ESCO1: variants seen among roughly 807,000 people sequenced by gnomAD.
ESCO1 encodes establishment of sister chromatid cohesion N-acetyltransferase 1, also known as N-acetyltransferase ESCO1.
Under a neutral mutation model 83.5 loss-of-function variants are expected in ESCO1, and 33 were observed. That is an observed-to-expected ratio of 0.40 (90% CI 0.30 to 0.53). The LOEUF (loss-of-function observed/expected upper bound fraction) is 0.53, where lower values mean the gene tolerates loss of function less well. Ranked by LOEUF, ESCO1 falls within the 20% of genes least tolerant of loss-of-function variation. The pLI, the probability that ESCO1 is intolerant of heterozygous loss-of-function variation, is 0.63. For missense variants in ESCO1, 855 were observed against 968.0 expected, an observed-to-expected ratio of 0.88 and a Z score of 1.55; for synonymous variants, 332 against 324.3, an observed-to-expected ratio of 1.02 and a Z score of -0.25.
intron 8 of ESCO1, among the ~76,000 whole-genome samples, chr18:21,542,278 TG>T (rs1320874459): frequency 2.0e-4 from 30 of 152,240 alleles, no homozygotes; most frequent in African/African-American, 7.0e-4. Flanking sequence ...TTCAAACTCC[TG>T]GGGCTCAAGC....
Position 21,560,978 on chromosome 18 carries a change from T to G in ESCO1, c.1834A>C (p.Lys612Gln). ...TTACAAGAAACTGCTCCAAATCTTT[T>G]TTGTCCTGCATCCTATTTACAAAAA... is the stretch of plus-strand genomic sequence containing the variant. Reference protein sequence around the residue: ...EKQLIIDAGQKRFGAVSCNVC... With the variant: ...EKQLIIDAGQQRFGAVSCNVC... The change falls in exon 8 of 12, where the codon AAA (lysine) becomes CAA (glutamine). Residue 612 changes from lysine (K) to glutamine (Q), a missense_variant. Lys to Gln is a moderately conservative substitution (Grantham distance 53, BLOSUM62 1). Around this residue, in one of 2 missense-constraint regions of ESCO1, gnomAD observed 726 missense variants for 699.5 expected, o/e 1.04. Coordinates refer to ENST00000269214, the MANE Select transcript of ESCO1 (RefSeq NM_052911.3). The G allele has an allele frequency of 6.3e-7, 1 of 1,589,952 alleles. No individual in the cohort carries two copies. Among genetic ancestry groups the G allele is most frequent in the Non-Finnish European group, 8.5e-7 (1 of 1,171,828 alleles).
intron 5 of ESCO1, among the ~76,000 whole-genome samples, chr18:21,567,539 G>A (rs1038255594): frequency 6.6e-6 from 1 of 151,638 alleles, no homozygotes; most frequent in African/African-American, 2.4e-5. Flanking sequence ...TTGCAAAGTG[G>A]ACAATTTGCA....
At chr18:21,563,274 G>T (rs1053680627) in intron 7 of ESCO1, among the ~76,000 whole-genome samples, 3 of 152,096 alleles carry the variant, frequency 2.0e-5, no homozygotes, top group Non-Finnish European at 4.4e-5. Flanking sequence ...ATCACAATTT[G>T]TTATAAAACT....
intron 11 of ESCO1, among the ~76,000 whole-genome samples, chr18:21,531,689 C>T (rs2037768930): frequency 6.6e-6 from 1 of 151,924 alleles, no homozygotes; most frequent in Admixed American, 6.6e-5. Context: ...TGCAGTGGCT[C>T]ACGCCTGTAA....
In ESCO1 at chr18:21,595,245, C is replaced by A. The variant is rs181891156; in HGVS notation, c.-825+5378G>T. Among the ~76,000 whole-genome samples the A allele has an allele frequency of 5.3e-5, 8 of 151,022 alleles. No homozygotes were observed. The East Asian group carries it at 7.8e-4, about 15-fold the overall frequency. ...GCTTATGGAGAAATTATCTAAGTGG[C>A]GTATATCTTCTAAAACTGAACAGTA... On this transcript the variant is annotated intron_variant, in intron 1 of 11. Coordinates refer to ENST00000269214, the MANE Select transcript of ESCO1 (RefSeq NM_052911.3).
intron 8 of ESCO1, among the ~76,000 whole-genome samples, chr18:21,548,939 TAAAA>T (rs796154017): frequency 7.1e-6 from 1 of 140,360 alleles, no homozygotes; most frequent in East Asian, 2.0e-4. Context: ...CCCTGTCTCT[TAAAA>T]AAAAAAAAAA....
At chr18:21,547,176 A>G (rs1042047099) in intron 8 of ESCO1, among the ~76,000 whole-genome samples, 1 of 152,146 alleles carries the variant, frequency 6.6e-6, no homozygotes, top group Non-Finnish European at 1.5e-5. Flanking sequence ...CTACTGTAGC[A>G]TTTTCCACAC....
chr18:21,551,265 T>TC lies in ESCO1; in HGVS notation c.1953+9593dup, dbSNP rs914197818. Among the ~76,000 whole-genome samples the TC allele has an allele frequency of 2.6e-4, 40 of 151,848 alleles. 1 individual carries two copies. The highest frequency in any genetic ancestry group is 7.7e-4 in the African/African-American group (32 of 41,364). On this transcript the variant is annotated intron_variant, in intron 8 of 11. Transcript: ENST00000269214. ...GCGGACAGATCACGAGGTCAGGAGA[T>TC]CGATACCATCCTGGCTAACACAGAG... is the stretch of plus-strand genomic sequence containing the variant.
chr18:21,579,794 GCACACACACACACACACACACA>G (rs765904584), intron 2 of ESCO1, among the ~76,000 whole-genome samples: 1,304 of 37,162 alleles, frequency 0.035, 66 homozygotes, highest in African/African-American at 0.07. Context: ...ACGCGCGCGC[GCACACACACACACACACACACA>G]CACACACACA....
chr18:21,575,914 T>C, intron 2 of ESCO1, 137 bp from the exon 3 acceptor site: 2 of 392,100 alleles, frequency 5.1e-6, no homozygotes, highest in Non-Finnish European at 4.5e-6. Context: ...AAAGCTCATA[T>C]TACACGTACA....
At chr18:21,575,598 A>G (rs1270414552) in intron 3 of ESCO1, 74 bp downstream of exon 3, 3 of 398,192 alleles carry the variant, frequency 7.5e-6, no homozygotes, top group Non-Finnish European at 1.3e-5. Flanking sequence ...GTATATTCCT[A>G]TGAATAATCA....
intron 8 of ESCO1, among the ~76,000 whole-genome samples, chr18:21,540,289 T>A (rs1233215555): frequency 6.6e-6 from 1 of 152,170 alleles, no homozygotes; most frequent in African/African-American, 2.4e-5. Flanking sequence ...CGTTTTAAAT[T>A]AATTTTGAAA....
intron 2 of ESCO1, among the ~76,000 whole-genome samples, chr18:21,579,794 GCA>G (rs765904584): frequency 0.025 from 936 of 37,108 alleles, 30 homozygotes; most frequent in Admixed American, 0.049. Flanking sequence ...ACGCGCGCGC[GCA>G]CACACACACA....
intron 8 of ESCO1, among the ~76,000 whole-genome samples, chr18:21,541,048 G>A (rs1485659649): frequency 6.6e-6 from 1 of 152,094 alleles, no homozygotes; most frequent in Non-Finnish European, 1.5e-5. Flanking sequence ...TTTGGAGGGG[G>A]AAGGTAGAAA....
chr18:21,549,236 G>C (rs1275914130), intron 8 of ESCO1, among the ~76,000 whole-genome samples: 3 of 152,118 alleles, frequency 2.0e-5, no homozygotes, highest in Non-Finnish European at 4.4e-5. Context: ...TTCCTGCTTT[G>C]AACCTGAATA....
chr18:21,539,908 CT>C lies in ESCO1; in HGVS notation c.2043+11del. ...ATTATCCACTCTACATGAAGTTTCA[CT>C]GGAAATTTACCTTTTTCAGGGCATA... On this transcript the variant is annotated intron_variant, in intron 9 of 11. Coordinates refer to ENST00000269214, the MANE Select transcript of ESCO1 (RefSeq NM_052911.3). 1 of 1,606,634 alleles carries C rather than the reference CT, an allele frequency of 6.2e-7. No individual in the cohort carries two copies.
intron 8 of ESCO1, 55 bp from the exon 9 acceptor site, chr18:21,540,064 A>G (rs2037885821): frequency 7.1e-7 from 1 of 1,400,538 alleles, no homozygotes; most frequent in African/African-American, 1.5e-5. Flanking sequence ...TTTTATGTAT[A>G]TTCTATTCAT....
At chr18:21,544,629 C>CAA (rs970704832) in intron 8 of ESCO1, among the ~76,000 whole-genome samples, 2 of 101,696 alleles carry the variant, frequency 2.0e-5, no homozygotes, top group Non-Finnish European at 4.1e-5. Context: ...AACTCCATCT[C>CAA]AAAAAAAAAA....
rs764998855 is a variant in ESCO1, at chr18:21,574,228, G to A, written c.616C>T (p.Arg206Cys). The stretch of plus-strand genomic sequence containing the variant: ...CAAGCTGTCTGATGTTCTACCTTGC[G>A]TTTTTTCCCTTTGGGAGAATTTATT... ...EVINSPKGKK[R>C]KVEHQTACAC... Residue 206 changes from arginine (R) to cysteine (C), a missense_variant, in exon 4 of 12, where the codon CGC (arginine) becomes TGC (cysteine). By Grantham distance (180) the Arg-to-Cys change is radical. This residue lies in a region of ESCO1 where 726 missense variants were observed against 699.5 expected (regional missense o/e 1.04). Transcript: ENST00000269214. 6 of 1,613,568 alleles carry A rather than the reference G, an allele frequency of 3.7e-6. No homozygotes were observed. Among genetic ancestry groups the A allele is most frequent in the East Asian group, 4.5e-5 (2 of 44,874 alleles).
Sources: gnomAD v4.1 joint callset for allele counts (sites outside exome capture counted in the v4.1 genomes callset) on GRCh38, gnomAD v4.1.1 for gene constraint, gnomAD v4.1.1 regional missense constraint, MANE v1.5 for transcripts, NCBI Gene and HGNC (gene_info 2026-07-23, HGNC 2026-07-21) for gene names.